Variants in FYB1 observed in about 807,000 individuals in gnomAD.
FYB1 encodes the protein FYN binding protein 1.
A neutral mutation model predicts 94.1 loss-of-function variants in FYB1; 41 were observed. That is an observed-to-expected ratio of 0.44 (90% confidence interval 0.34 to 0.57). The LOEUF is 0.57. FYB1 is among the 20% of genes least tolerant of loss of function. FYB1 has a pLI of 0.02. For missense variants in FYB1, 1,050 were observed against 976.8 expected, an observed-to-expected ratio of 1.07 and a Z score of -1.00; for synonymous variants, 367 against 353.2, an observed-to-expected ratio of 1.04 and a Z score of -0.44.
At chr5:39,201,694 AG>A (rs1748324995) in intron 2 of FYB1, 131 bp downstream of exon 2, 1 of 807,548 alleles carries the variant, frequency 1.2e-6, no homozygotes, top group African/African-American at 1.8e-5. Context: ...AACAAGACAA[AG>A]AAAATTCATT....
chr5:39,148,381 GTTTTTTTTTTTT>G (rs538508812), intron 3 of FYB1, among the ~76,000 whole-genome samples: 45 of 38,176 alleles, frequency 1.2e-3, no homozygotes, highest in South Asian at 2.1e-3. Context: ...TTATCAGCAG[GTTTTTTTTTTTT>G]TTTTTTTTTT....
intron 1 of FYB1, among the ~76,000 whole-genome samples, chr5:39,268,546 T>A (rs541357532): frequency 7.6e-4 from 116 of 152,202 alleles, no homozygotes; most frequent in Middle Eastern, 3.4e-3. Flanking sequence ...TCTAAGAAGT[T>A]TTTTTTGAGA....
intron 2 of FYB1, among the ~76,000 whole-genome samples, chr5:39,154,690 G>T (rs1377455847): frequency 6.6e-6 from 1 of 151,660 alleles, no homozygotes; most frequent in Non-Finnish European, 1.5e-5. Flanking sequence ...TATTTTTATT[G>T]GAGACGGGGT....
rs1456928628 is a variant in FYB1, at chr5:39,130,699, A to G, written c.1818-87T>C. On this transcript the variant is annotated intron_variant, in intron 9 of 18. Coordinates refer to ENST00000512982, the MANE Select transcript of FYB1 (RefSeq NM_001465.6). ...AGTACATATCCTGATTAGTTATTCA[A>G]AAGAGAAATAACATTCCAGTCGAAA... 3 of 1,042,488 alleles carry G rather than the reference A, an allele frequency of 2.9e-6. No homozygotes were observed. The African/African-American group carries it at 4.8e-5, about 17-fold the overall frequency. 64.6% of individuals were successfully genotyped at this position (1,042,488 alleles called of 1,614,324 possible).
intron 10 of FYB1, among the ~76,000 whole-genome samples, chr5:39,128,322 T>C (rs1208396466): frequency 1.3e-5 from 2 of 152,194 alleles, no homozygotes; most frequent in East Asian, 3.8e-4. Context: ...TGTTATTCTA[T>C]GCTCTTCAGG....
chr5:39,110,687 GCA>G (rs1738988676), intron 16 of FYB1: 1 of 304,828 alleles, frequency 3.3e-6, no homozygotes, highest in African/African-American at 2.2e-5. Context: ...GTAGGCTGTA[GCA>G]CAGAGTTCAG....
At chr5:39,241,837 T>C (rs115059106) in intron 1 of FYB1, among the ~76,000 whole-genome samples, 9,466 of 152,160 alleles carry the variant, frequency 0.062, 853 homozygotes, top group East Asian at 0.21. Flanking sequence ...GCTCTTTTTT[T>C]TTTTTTTCCT....
At chr5:39,251,970 C>G (rs1751730910) in intron 1 of FYB1, among the ~76,000 whole-genome samples, 1 of 151,970 alleles carries the variant, frequency 6.6e-6, no homozygotes, top group African/African-American at 2.4e-5. Context: ...CGGTGAAACC[C>G]CATCTCTACT....
intron 11 of FYB1, among the ~76,000 whole-genome samples, chr5:39,126,396 A>G (rs1371040632): frequency 1.3e-5 from 2 of 151,986 alleles, no homozygotes; most frequent in African/African-American, 4.8e-5. Flanking sequence ...GCAAGTCCAT[A>G]AGGATTAAGT....
intron 1 of FYB1, among the ~76,000 whole-genome samples, chr5:39,206,286 T>C (rs551342424): frequency 2.2e-4 from 34 of 152,342 alleles, no homozygotes; most frequent in African/African-American, 7.9e-4. Context: ...TCACTAATAT[T>C]GGCTTCTTAG....
chr5:39,214,139 T>G (rs1284635436), intron 1 of FYB1, among the ~76,000 whole-genome samples: 1 of 152,102 alleles, frequency 6.6e-6, no homozygotes, highest in East Asian at 1.9e-4. Flanking sequence ...AGTCATCTAT[T>G]ATTTCTAGAC....
At chr5:39,214,771 T>C (rs538979978) in intron 1 of FYB1, among the ~76,000 whole-genome samples, 26 of 152,128 alleles carry the variant, frequency 1.7e-4, no homozygotes, top group Admixed American at 5.9e-4. Context: ...CTACTAAAAA[T>C]ACAAAAATTA....
rs1377108433 is a variant in FYB1 at position 39,137,688 on chromosome 5, T to C, written c.1427A>G (p.Glu476Gly). ...EASKEREKKR[E>G]KEEKKRLELE... ...CTCTAACCTCTTCTTTTCTTCCTTTTCCCTTTTCTTCTCTCTTTCTTTGGA... is the reference window on the plus strand; with the variant it reads ...CTCTAACCTCTTCTTTTCTTCCTTTCCCCTTTTCTTCTCTCTTTCTTTGGA... Residue 476 changes from glutamate to glycine, a missense_variant, in exon 7 of 19, where the codon GAA becomes GGA. Coordinates refer to ENST00000512982, the MANE Select transcript of FYB1 (RefSeq NM_001465.6). The C allele has an allele frequency of 5.2e-6, 8 of 1,546,330 alleles. No individual in the cohort carries two copies. The highest frequency in any genetic ancestry group is 6.1e-6 in the Non-Finnish European group (7 of 1,142,320).
chr5:39,177,658 A>C (rs1279442617), intron 2 of FYB1, among the ~76,000 whole-genome samples: 1 of 152,194 alleles, frequency 6.6e-6, no homozygotes, highest in Admixed American at 6.5e-5. Context: ...CCATTGTTTT[A>C]CTTCAAACTT....
rs529382893 is a variant in FYB1, at chr5:39,244,993, T to A, written c.-28+29410A>T. Reference sequence around the variant, plus strand: ...TGTGGGATCGGTGGTGATATCCCCTTTATCATTTTTTATTGTTTCTATTTG... The same window carrying A: ...TGTGGGATCGGTGGTGATATCCCCTATATCATTTTTTATTGTTTCTATTTG... On this transcript the variant is annotated intron_variant, in intron 1 of 1. Transcript: ENST00000510188. 9.1e-4 allele frequency among the ~76,000 whole-genome samples: 139 copies of A among 152,314 alleles called. 3 individuals are homozygous for A. The highest frequency in any genetic ancestry group is 3.1e-3 in the African/African-American group (130 of 41,576).
chr5:39,254,074 T>G (rs1751840331), intron 1 of FYB1, among the ~76,000 whole-genome samples: 1 of 152,192 alleles, frequency 6.6e-6, no homozygotes, highest in South Asian at 2.1e-4. Flanking sequence ...ATGTACCACG[T>G]TTTCTTTATC....
chr5:39,206,909 A>C (rs930037921), intron 1 of FYB1, among the ~76,000 whole-genome samples: 4 of 152,198 alleles, frequency 2.6e-5, no homozygotes, highest in Non-Finnish European at 5.9e-5. Flanking sequence ...TATTTGGTAG[A>C]TATACACCAG....
chr5:39,245,644 G>T (rs1321989445), intron 1 of FYB1, among the ~76,000 whole-genome samples: 4 of 151,490 alleles, frequency 2.6e-5, no homozygotes, highest in Non-Finnish European at 2.9e-5. Flanking sequence ...TGTTGCCCAG[G>T]CTGGAGTGCA....
At chr5:39,151,848 G>A (rs1156698711) in intron 3 of FYB1, among the ~76,000 whole-genome samples, 1 of 152,192 alleles carries the variant, frequency 6.6e-6, no homozygotes, top group Non-Finnish European at 1.5e-5. Flanking sequence ...CTGGTGCTGT[G>A]AGAAGCACAG....
Sources: allele counts gnomAD v4.1 joint callset (sites outside exome capture counted in the v4.1 genomes callset), GRCh38; gene constraint gnomAD v4.1.1; transcripts MANE v1.5; gene names NCBI Gene and HGNC (gene_info 2026-07-23, HGNC 2026-07-21).